The following LINGO2 variants were observed in gnomAD, a reference collection of about 807,000 sequenced individuals.
The protein encoded by LINGO2 is leucine-rich repeat and immunoglobulin-like domain-containing nogo receptor-interacting protein 2.
In LINGO2, 14 loss-of-function variants were observed where a neutral mutation model predicts 30.6. That is an observed-to-expected ratio of 0.46 (90% CI 0.30 to 0.72). LINGO2 has a LOEUF of 0.72. LINGO2 is among the 30% of genes least tolerant of loss of function. LINGO2 has a pLI of 0.07. For missense variants in LINGO2, 729 were observed against 751.7 expected (o/e 0.97, Z 0.35); for synonymous variants, 317 against 288.5 (o/e 1.10, Z -1.00).
chr9:28,041,346 CTT>C (rs1031360793), intron 4 of LINGO2, among the ~76,000 whole-genome samples: 13 of 152,176 alleles, frequency 8.5e-5, no homozygotes, highest in Non-Finnish European at 1.0e-4. Context: ...TGGCTGTTGT[CTT>C]AATGTTCATA....
the LINGO2 span, among the ~76,000 whole-genome samples, chr9:29,001,108 C>T: frequency 2.4e-5 from 3 of 127,326 alleles, no homozygotes; most frequent in African/African-American, 5.4e-5. Flanking sequence ...TGTGTGTGAA[C>T]GTGAGAGAGA....
chr9:28,041,563 C>A (rs144515568), intron 4 of LINGO2, among the ~76,000 whole-genome samples: 1 of 152,154 alleles, frequency 6.6e-6, no homozygotes, highest in East Asian at 1.9e-4. Context: ...AAGTCCAGCC[C>A]AACTGAGCAT....
In LINGO2 at chr9:28,125,977, G is replaced by A. The variant is rs183157056; in HGVS notation, c.-86-113572C>T. ...CACCTGTTATACTCCATATCAATAGGATCTCAAATTCAAATCATTCAAATT... is the reference window on the plus strand; with the variant it reads ...CACCTGTTATACTCCATATCAATAGAATCTCAAATTCAAATCATTCAAATT... On this transcript the variant is annotated intron_variant, in intron 4 of 5. Transcript: ENST00000379992. 3.4e-3 allele frequency among the ~76,000 whole-genome samples: 513 copies of A among 152,160 alleles called. 4 individuals carry two copies. The highest frequency in any genetic ancestry group is 0.012 in the African/African-American group (487 of 41,512).
At chr9:28,632,807 G>A (rs1369160599) in intron 1 of LINGO2, among the ~76,000 whole-genome samples, 1 of 89,396 alleles carries the variant, frequency 1.1e-5, no homozygotes, top group Non-Finnish European at 2.2e-5. Context: ...GATTTATATA[G>A]ATGATCTATA....
the LINGO2 span, among the ~76,000 whole-genome samples, chr9:28,765,522 G>A: frequency 6.6e-6 from 1 of 152,086 alleles, no homozygotes; most frequent in Non-Finnish European, 1.5e-5. Flanking sequence ...CCTCCCAAAG[G>A]AGTGAATGAG....
the LINGO2 span, among the ~76,000 whole-genome samples, chr9:29,009,917 C>A: frequency 2.6e-5 from 4 of 152,136 alleles, no homozygotes; most frequent in East Asian, 7.7e-4. Flanking sequence ...CTGACAAAAA[C>A]TAGAAATGGG....
exon 6 of LINGO2, chr9:27,950,234 G>A (rs758992242): frequency 6.2e-7 from 1 of 1,613,970 alleles, no homozygotes; most frequent in Admixed American, 1.7e-5. Context: ...GGAACATGTA[G>A]TCTAGTAAAA....
chr9:28,285,972 GT>G (rs1189114658), intron 4 of LINGO2, among the ~76,000 whole-genome samples: 3 of 152,078 alleles, frequency 2.0e-5, no homozygotes, highest in Admixed American at 2.0e-4. Flanking sequence ...AAAATTCAAA[GT>G]TTGTGAAAGC....
chr9:28,789,595 A>T, the LINGO2 span, among the ~76,000 whole-genome samples: 1 of 152,202 alleles, frequency 6.6e-6, no homozygotes, highest in Non-Finnish European at 1.5e-5. Flanking sequence ...TGAACATGTC[A>T]TGAATAGTGA....
chr9:27,973,079 C>T (rs892222555), intron 5 of LINGO2, among the ~76,000 whole-genome samples: 5 of 152,144 alleles, frequency 3.3e-5, no homozygotes, highest in Non-Finnish European at 5.9e-5. Context: ...GTATCACTGG[C>T]TTTCCTGGTT....
chr9:28,886,607 T>A, the LINGO2 span, among the ~76,000 whole-genome samples: 1 of 152,158 alleles, frequency 6.6e-6, no homozygotes, highest in Non-Finnish European at 1.5e-5. Flanking sequence ...TTATTTCTTT[T>A]CTTCCAATTT....
chr9:28,314,062 G>A (rs973854960), intron 3 of LINGO2, among the ~76,000 whole-genome samples: 4 of 152,084 alleles, frequency 2.6e-5, no homozygotes, highest in Admixed American at 6.6e-5. Flanking sequence ...AGCCTCCCGC[G>A]TAGCTGGGAC....
At chr9:29,072,530 T>C in the LINGO2 span, among the ~76,000 whole-genome samples, 1 of 151,262 alleles carries the variant, frequency 6.6e-6, no homozygotes, top group Non-Finnish European at 1.5e-5. Flanking sequence ...GTGTATTTTA[T>C]ATTAAGAAAA....
chr9:28,457,236 TC>T (rs1352887563), intron 2 of LINGO2, among the ~76,000 whole-genome samples: 1 of 152,192 alleles, frequency 6.6e-6, no homozygotes, highest in Non-Finnish European at 1.5e-5. Context: ...AAGCACAGAA[TC>T]TTTTCCTTGC....
the LINGO2 span, among the ~76,000 whole-genome samples, chr9:29,189,857 C>T: frequency 6.6e-5 from 10 of 151,630 alleles, no homozygotes; most frequent in Admixed American, 3.3e-4. Flanking sequence ...CAAAAAAATA[C>T]GAAAACCAGT....
the LINGO2 span, among the ~76,000 whole-genome samples, chr9:28,877,401 G>A: frequency 2.6e-5 from 4 of 151,628 alleles, no homozygotes; most frequent in East Asian, 1.9e-4. Flanking sequence ...CATTTAAGTC[G>A]TTAATCCATC....
intron 4 of LINGO2, among the ~76,000 whole-genome samples, chr9:28,026,383 A>G (rs1823376779): frequency 6.6e-6 from 1 of 152,200 alleles, no homozygotes; most frequent in Admixed American, 6.5e-5. Context: ...CAGTTTGAAC[A>G]TCAGAATCAC....
At chr9:28,004,238 CTT>C (rs141054462) in intron 5 of LINGO2, among the ~76,000 whole-genome samples, 8,861 of 151,988 alleles carry the variant, frequency 0.058, 400 homozygotes, top group African/African-American at 0.13. Flanking sequence ...AGTTTTTGAT[CTT>C]TGTTTTTCTT....
At chr9:28,889,447 T>C in the LINGO2 span, among the ~76,000 whole-genome samples, 1 of 146,810 alleles carries the variant, frequency 6.8e-6, no homozygotes, top group Non-Finnish European at 1.5e-5. Context: ...GTTTTTTTTT[T>C]AATTTTAAAA....
Sources: allele counts gnomAD v4.1 joint callset (sites outside exome capture counted in the v4.1 genomes callset), GRCh38; gene constraint gnomAD v4.1.1; transcripts MANE v1.5; gene names NCBI Gene and HGNC (gene_info 2026-07-23, HGNC 2026-07-21).